Variants in PPP1R13B observed in about 807,000 individuals in gnomAD.
PPP1R13B encodes the protein protein phosphatase 1 regulatory subunit 13B, also known as apoptosis-stimulating of p53 protein 1.
PPP1R13B carries 44 observed loss-of-function variants against 119.8 expected under a neutral mutation model. The observed-to-expected ratio is 0.37, with a 90% CI of 0.29 to 0.47. PPP1R13B has a LOEUF of 0.47. Ranked by LOEUF, PPP1R13B falls within the 20% of genes least tolerant of loss-of-function variation. The probability of loss-of-function intolerance (pLI) is 0.99; values close to 1 mark genes in which losing one functional copy is unlikely to be tolerated. For synonymous variants in PPP1R13B, 542 were observed against 561.5 expected (o/e 0.97, Z 0.49); for missense variants, 1,227 against 1,413.5 (o/e 0.87, Z 2.12).
chr14:103,824,828 T>C (rs1450924422), intron 1 of PPP1R13B, among the ~76,000 whole-genome samples: 1 of 152,238 alleles, frequency 6.6e-6, no homozygotes, highest in Non-Finnish European at 1.5e-5. Context: ...TCTTCCCTAC[T>C]GGGCCATCAC....
chr14:103,789,512 G>A (rs910890341), intron 2 of PPP1R13B, among the ~76,000 whole-genome samples: 5 of 148,142 alleles, frequency 3.4e-5, no homozygotes, highest in Non-Finnish European at 7.5e-5. Flanking sequence ...CACCGTGTCC[G>A]GCCAATTTTT....
At chr14:103,799,691 A>AT (rs933747855) in intron 1 of PPP1R13B, among the ~76,000 whole-genome samples, 12 of 151,056 alleles carry the variant, frequency 7.9e-5, no homozygotes, top group Non-Finnish European at 1.5e-4. Flanking sequence ...TTGGAAGGAA[A>AT]TTTTTTTTTC....
intron 1 of PPP1R13B, chr14:103,846,667 T>C (rs569662468): frequency 8.9e-6 from 4 of 450,116 alleles, no homozygotes; most frequent in Admixed American, 4.8e-5. Context: ...GGCCAATGTC[T>C]TTCTAGGCGA....
intron 15 of PPP1R13B, chr14:103,736,499 A>G: frequency 2.1e-6 from 1 of 479,732 alleles, no homozygotes; most frequent in Admixed American, 3.4e-5. Flanking sequence ...ACGCTTAGCA[A>G]TCACAGCCAG....
At chr14:103,785,400 TAG>T (rs2085437495) in intron 2 of PPP1R13B, among the ~76,000 whole-genome samples, 1 of 151,978 alleles carries the variant, frequency 6.6e-6, no homozygotes, top group South Asian at 2.1e-4. Flanking sequence ...TTGTATTTAG[TAG>T]AGAGAGGGTT....
intron 1 of PPP1R13B, among the ~76,000 whole-genome samples, chr14:103,802,501 C>T (rs2085923718): frequency 6.6e-6 from 1 of 152,142 alleles, no homozygotes; most frequent in Admixed American, 6.6e-5. Context: ...TTCCTTGTTC[C>T]TTACCCTTCT....
chr14:103,740,408 G>C lies in PPP1R13B; in HGVS notation c.2008C>G (p.Leu670Val). 6.3e-7 allele frequency: 1 copy of C among 1,583,310 alleles called. No individual in the cohort carries two copies. Among genetic ancestry groups the C allele is most frequent in the Admixed American group, 1.7e-5 (1 of 57,184 alleles). The change falls in exon 12 of 17, where the codon CTC (leucine) becomes GTC (valine). Residue 670 changes from leucine to valine, a missense_variant. Leu to Val is a conservative substitution (Grantham distance 32, BLOSUM62 1). Coordinates refer to ENST00000202556, the MANE Select transcript of PPP1R13B (RefSeq NM_015316.3). The surrounding 1 kb of genome is among the most constrained non-coding windows in gnomAD (Gnocchi z 4.6). ...GSTVESLPRP[L>V]SPTKLTPIVH... is the part of the protein sequence containing the mutation. ...ATGGGCGTGAGCTTGGTGGGGCTGAGTGGCCGTGGCAGGCTCTCCACGGTG... is the reference window on the plus strand; with the variant it reads ...ATGGGCGTGAGCTTGGTGGGGCTGACTGGCCGTGGCAGGCTCTCCACGGTG...
intron 1 of PPP1R13B, among the ~76,000 whole-genome samples, chr14:103,807,685 G>C (rs751978067): frequency 2.6e-5 from 4 of 151,900 alleles, no homozygotes; most frequent in Non-Finnish European, 4.4e-5. Flanking sequence ...TAGAAGAGAC[G>C]GGGTTTCACC....
At position 103,749,863 on chromosome 14, in the gene PPP1R13B, G is replaced by A. The variant is rs773166318; in HGVS notation, c.900C>T (p.Asn300=). ...QQQKELLNKR[N]MEVAMMDKRI... The stretch of plus-strand genomic sequence containing the variant: ...GCTTGTCCATCATGGCCACCTCCAT[G>A]TTGCGCTTATTTAAGAGTTCCTTCT... Residue 300 remains asparagine (N), a synonymous_variant, in exon 8 of 17, where the codon AAC becomes AAT. Coordinates refer to ENST00000202556, the MANE Select transcript of PPP1R13B (RefSeq NM_015316.3). 1.2e-6 allele frequency: 2 copies of A among 1,614,138 alleles called. No individual in the cohort carries two copies. Among genetic ancestry groups the A allele is most frequent in the Non-Finnish European group, 8.5e-7 (1 of 1,180,022 alleles).
In PPP1R13B at chr14:103,741,822, G is replaced by A; in HGVS notation, c.1790C>T (p.Ala597Val). 1.2e-6 allele frequency: 2 copies of A among 1,614,190 alleles called. No individual in the cohort carries two copies. Among genetic ancestry groups the A allele is most frequent in the South Asian group, 2.2e-5 (2 of 91,080 alleles). ...ATPPKNYQPA[A>V]HSALNKSVKA... Reference sequence around the variant, plus strand: ...AACTGACTTATTTAAGGCGCTGTGTGCTGCCGGCTGGTAATTCTTAGGTGG... The same window carrying A: ...AACTGACTTATTTAAGGCGCTGTGTACTGCCGGCTGGTAATTCTTAGGTGG... The change falls in exon 11 of 17, where the codon GCA becomes GTA. Residue 597 changes from alanine to valine, a missense_variant. By Grantham distance (64) the Ala-to-Val change is moderately conservative. Coordinates refer to ENST00000202556, the MANE Select transcript of PPP1R13B (RefSeq NM_015316.3).
chr14:103,802,108 T>C (rs569963110), intron 1 of PPP1R13B, among the ~76,000 whole-genome samples: 1 of 152,328 alleles, frequency 6.6e-6, no homozygotes, highest in East Asian at 1.9e-4. Flanking sequence ...AATATAGTTT[T>C]ATTCTTACTT....
intron 1 of PPP1R13B, among the ~76,000 whole-genome samples, chr14:103,810,306 C>T (rs950879899): frequency 1.1e-4 from 16 of 151,968 alleles, no homozygotes; most frequent in Admixed American, 9.2e-4. Flanking sequence ...CCTATAATCC[C>T]GGCTACTCAG....
At chr14:103,785,183 C>T (rs9888591) in intron 2 of PPP1R13B, among the ~76,000 whole-genome samples, 44,246 of 152,074 alleles carry the variant, frequency 0.29, 6,933 homozygotes, top group Non-Finnish European at 0.34. Flanking sequence ...ATGCCTTTTA[C>T]AAAACTTATT....
At chr14:103,818,378 A>G in intron 1 of PPP1R13B, 1 of 584,664 alleles carries the variant, frequency 1.7e-6, no homozygotes, top group South Asian at 7.5e-5. Flanking sequence ...ATTAGGCTGC[A>G]TATGAGTTTT....
Position 103,840,798 on chromosome 14 carries a change from AAAAG to A in PPP1R13B, c.9+6497_9+6500del, listed in dbSNP as rs1330948566. Among the ~76,000 whole-genome samples, 21 of 152,080 alleles carry A rather than the reference AAAAG, an allele frequency of 1.4e-4. No individual in the cohort carries two copies. In the South Asian group the frequency reaches 3.7e-3, roughly 27 times the overall value. ...AGAAGGAGACTTCCTCTCAAAAAAA[AAAAG>A]AAAGAAAGAAAAGAAAAGAACATTA... On this transcript the variant is annotated intron_variant, in intron 1 of 16. Coordinates refer to ENST00000202556, the MANE Select transcript of PPP1R13B (RefSeq NM_015316.3).
At chr14:103,737,580 C>CT in intron 15 of PPP1R13B, 114 bp downstream of exon 15, 1 of 1,336,612 alleles carries the variant, frequency 7.5e-7, no homozygotes. Flanking sequence ...TGTCTCCTGT[C>CT]TTAAAAAAAA....
At chr14:103,773,079 T>C (rs1400032883) in intron 4 of PPP1R13B, among the ~76,000 whole-genome samples, 2 of 152,210 alleles carry the variant, frequency 1.3e-5, no homozygotes, top group African/African-American at 4.8e-5. Flanking sequence ...GTATTTTTCC[T>C]AGACTATGTC....
At chr14:103,845,317 T>C (rs993903238) in intron 1 of PPP1R13B, among the ~76,000 whole-genome samples, 10 of 152,160 alleles carry the variant, frequency 6.6e-5, no homozygotes, top group Non-Finnish European at 1.2e-4. Flanking sequence ...ACTGTGTTAA[T>C]AGAGGAAGGA....
chr14:103,753,847 G>C (rs1247663211), intron 6 of PPP1R13B, among the ~76,000 whole-genome samples: 1 of 152,102 alleles, frequency 6.6e-6, no homozygotes, highest in Non-Finnish European at 1.5e-5. Context: ...CCAGGCTCAA[G>C]CAATCCTCCC....
Sources: gnomAD v4.1 joint callset for allele counts (sites outside exome capture counted in the v4.1 genomes callset) on GRCh38, gnomAD v4.1.1 for gene constraint, Gnocchi (gnomAD v3.1) non-coding constraint, MANE v1.5 for transcripts, NCBI Gene and HGNC (gene_info 2026-07-23, HGNC 2026-07-21) for gene names.